STAU2: variants seen among roughly 807,000 people sequenced by gnomAD.
STAU2 encodes the protein staufen double-stranded RNA binding protein 2, also known as double-stranded RNA-binding protein Staufen homolog 2.
Under a neutral mutation model 65.9 loss-of-function variants are expected in STAU2, and 20 were observed. The ratio of observed to expected loss-of-function variants is 0.30; its 90% confidence interval spans 0.21 to 0.44. STAU2 has a LOEUF of 0.44. Ranked by LOEUF, STAU2 falls within the 20% of genes least tolerant of loss-of-function variation. The probability of loss-of-function intolerance (pLI) is 1.00; values close to 1 mark genes in which losing one functional copy is unlikely to be tolerated. For synonymous variants in STAU2, 232 were observed against 233.9 expected (o/e 0.99, Z 0.07); for missense variants, 558 against 683.9 (o/e 0.82, Z 2.05).
At chr8:73,738,790 T>C (rs1806625092) in intron 2 of STAU2, among the ~76,000 whole-genome samples, 2 of 152,346 alleles carry the variant, frequency 1.3e-5, no homozygotes, top group Non-Finnish European at 2.9e-5. Context: ...AACAGCTTTG[T>C]TCCCATCTTC....
rs879089556 is a variant in STAU2, at chr8:73,729,043, T to C, written c.-18+9241A>G. ...AGTCTTTTACTATTGAGTTGGATGT[T>C]AGCTGTGGGTTTTTTCATAAACGCT... On this transcript the variant is annotated intron_variant, in intron 3 of 14. Coordinates refer to ENST00000524300, the MANE Select transcript of STAU2 (RefSeq NM_001164380.2). Among the ~76,000 whole-genome samples, 68 of 152,352 alleles carry C rather than the reference T, an allele frequency of 4.5e-4. 1 individual carries two copies. The highest frequency in any genetic ancestry group is 4.6e-4 in the Admixed American group (7 of 15,308).
intron 13 of STAU2, among the ~76,000 whole-genome samples, chr8:73,448,895 G>A (rs537293229): frequency 3.3e-5 from 5 of 152,374 alleles, no homozygotes; most frequent in African/African-American, 9.6e-5. Flanking sequence ...AGTGCTCAGC[G>A]CGGGAATATT....
At position 73,429,413 on chromosome 8, in the gene STAU2, C is replaced by CTTTTTTTTTTTTTTTTTTT. The variant is rs71561522; in HGVS notation, c.1531-6730_1531-6712dup. Among the ~76,000 whole-genome samples the CTTTTTTTTTTTTTTTTTTT allele has an allele frequency of 3.1e-5, 2 of 65,312 alleles. 1 individual carries two copies. The highest frequency in any genetic ancestry group is 7.0e-5 in the Non-Finnish European group (2 of 28,522). 42.8% of individuals were successfully genotyped at this position (65,312 alleles called of 152,430 possible). Reference sequence around the variant, plus strand: ...AACCAATCTATATTCTTGCTCAGGTCTTTTTTTTTTTTTTTTTTTTTTTTT... The same window carrying CTTTTTTTTTTTTTTTTTTT: ...AACCAATCTATATTCTTGCTCAGGTCTTTTTTTTTTTTTTTTTTTTTTTTTTTTTTTTTTTTTTTTTTTT... On this transcript the variant is annotated intron_variant, in intron 13 of 14. Transcript: ENST00000524300.
At chr8:73,494,121 C>T (rs997940257) in intron 13 of STAU2, among the ~76,000 whole-genome samples, 1 of 151,642 alleles carries the variant, frequency 6.6e-6, no homozygotes, top group African/African-American at 2.4e-5. Flanking sequence ...AGCATATGAT[C>T]AGAACTTGTC....
At chr8:73,738,198 T>G (rs544983841) in intron 3 of STAU2, 86 bp downstream of exon 3, 5 of 1,223,090 alleles carry the variant, frequency 4.1e-6, no homozygotes, top group Non-Finnish European at 6.0e-6. Context: ...GTTACAGTTA[T>G]AGAAAAGAAA....
At chr8:73,443,402 C>A (rs571570905) in intron 13 of STAU2, among the ~76,000 whole-genome samples, 9 of 152,236 alleles carry the variant, frequency 5.9e-5, no homozygotes, top group African/African-American at 2.2e-4. Context: ...AATGACATTT[C>A]AAAGGAGGAA....
At chr8:73,738,801 T>C (rs571269423) in intron 2 of STAU2, among the ~76,000 whole-genome samples, 2 of 152,364 alleles carry the variant, frequency 1.3e-5, no homozygotes, top group Non-Finnish European at 2.9e-5. Flanking sequence ...TCCCATCTTC[T>C]ATACGATAAA....
intron 11 of STAU2, among the ~76,000 whole-genome samples, chr8:73,587,191 G>A (rs192253612): frequency 1.1e-3 from 173 of 152,108 alleles, no homozygotes; most frequent in Non-Finnish European, 2.1e-3. Context: ...TCCCAACTCC[G>A]TGAAAATTTA....
intron 12 of STAU2, among the ~76,000 whole-genome samples, chr8:73,559,064 C>T (rs935468659): frequency 1.3e-5 from 2 of 152,064 alleles, no homozygotes; most frequent in African/African-American, 4.8e-5. Context: ...TTTTAAAAAT[C>T]ATTTATATGA....
intron 13 of STAU2, among the ~76,000 whole-genome samples, chr8:73,463,979 CA>C (rs1484621660): frequency 2.0e-5 from 3 of 152,190 alleles, no homozygotes; most frequent in African/African-American, 7.2e-5. Context: ...TAATTCTTCT[CA>C]CTGAAGGCCA....
intron 3 of STAU2, among the ~76,000 whole-genome samples, chr8:73,736,740 G>GA (rs1240982346): frequency 1.3e-5 from 2 of 151,764 alleles, no homozygotes; most frequent in African/African-American, 4.8e-5. Context: ...TTGGAGCTCA[G>GA]AAAAAAAAGG....
chr8:73,504,421 C>A (rs544095554), intron 13 of STAU2, among the ~76,000 whole-genome samples: 37 of 152,202 alleles, frequency 2.4e-4, no homozygotes, highest in African/African-American at 8.7e-4. Context: ...ATATTGCTAT[C>A]AAAAATCAAC....
chr8:73,619,044 A>C (rs1352073846), intron 6 of STAU2, among the ~76,000 whole-genome samples: 2 of 151,252 alleles, frequency 1.3e-5, no homozygotes, highest in Non-Finnish European at 3.0e-5. Context: ...TGTCAACTGG[A>C]CAACTGAATT....
chr8:73,628,697 T>C (rs1336514430), intron 6 of STAU2, among the ~76,000 whole-genome samples: 1 of 152,182 alleles, frequency 6.6e-6, no homozygotes, highest in Non-Finnish European at 1.5e-5. Flanking sequence ...TTGTTAGAAG[T>C]ATAAAAAGCA....
At chr8:73,485,173 G>C (rs1326349611) in intron 13 of STAU2, among the ~76,000 whole-genome samples, 5 of 91,678 alleles carry the variant, frequency 5.5e-5, no homozygotes. Context: ...TTTTTTTTGA[G>C]ACAGAATCTC....
intron 12 of STAU2, among the ~76,000 whole-genome samples, chr8:73,566,196 C>T (rs1004030827): frequency 3.9e-5 from 6 of 152,082 alleles, no homozygotes; most frequent in Non-Finnish European, 7.4e-5. Context: ...TTAACACAAA[C>T]CAGAAAGCTT....
intron 13 of STAU2, among the ~76,000 whole-genome samples, chr8:73,533,864 A>G (rs184245583): frequency 1.3e-5 from 2 of 152,352 alleles, no homozygotes; most frequent in Non-Finnish European, 2.9e-5. Context: ...AGCTCCGAAA[A>G]GAAGTTGAGT....
intron 12 of STAU2, among the ~76,000 whole-genome samples, chr8:73,578,582 A>G (rs1200520471): frequency 6.6e-6 from 1 of 152,174 alleles, no homozygotes; most frequent in East Asian, 1.9e-4. Flanking sequence ...ATGGACAGCA[A>G]TGAGAATATG....
At chr8:73,584,304 T>C (rs1256092853) in intron 11 of STAU2, among the ~76,000 whole-genome samples, 1 of 152,204 alleles carries the variant, frequency 6.6e-6, no homozygotes, top group Non-Finnish European at 1.5e-5. Flanking sequence ...GACTGCAAAA[T>C]GCTAACACAG....
Sources: gnomAD v4.1 joint callset for allele counts (sites outside exome capture counted in the v4.1 genomes callset) on GRCh38, gnomAD v4.1.1 for gene constraint, MANE v1.5 for transcripts, NCBI Gene and HGNC (gene_info 2026-07-23, HGNC 2026-07-21) for gene names.